Variants in PNN observed in about 807,000 individuals in gnomAD.
PNN encodes pinin.
PNN carries 38 observed loss-of-function variants against 76.6 expected under a neutral mutation model. That is an observed-to-expected ratio of 0.50 (90% confidence interval 0.38 to 0.65). The LOEUF is 0.65. PNN is among the 30% of genes least tolerant of loss of function. The pLI is 0.00. For synonymous variants in PNN, 366 were observed against 283.7 expected (o/e 1.29, Z -2.91); for missense variants, 873 against 874.1 (o/e 1.00, Z 0.02).
At chr14:39,177,961 A>C in intron 6 of PNN, 45 bp downstream of exon 6, 1 of 1,149,428 alleles carries the variant, frequency 8.7e-7, no homozygotes, top group Non-Finnish European at 1.3e-6. Context: ...TAAGTTATCA[A>C]AGTAGTAGAT....
rs1323080770 is a variant in PNN at position 39,175,338 on chromosome 14, A to G, written c.59A>G (p.Lys20Arg). ...EQLEKAKESL[K>R]NVDENIRKLT... ...CTGGAAAAGGCCAAAGAGAGTCTTAAGAACGTGGATGAGAACATTCGCAAG... is the reference window on the plus strand; with the variant it reads ...CTGGAAAAGGCCAAAGAGAGTCTTAGGAACGTGGATGAGAACATTCGCAAG... Residue 20 changes from lysine to arginine, a missense_variant, in exon 1 of 9, where the codon AAG (lysine) becomes AGG (arginine). This residue lies in a region of PNN where 156 missense variants were observed against 161.7 expected (regional missense o/e 0.96). Coordinates refer to ENST00000216832, the MANE Select transcript of PNN (RefSeq NM_002687.4). 1.2e-6 allele frequency: 2 copies of G among 1,613,098 alleles called. No homozygotes were observed. Among genetic ancestry groups the G allele is most frequent in the African/African-American group, 1.3e-5 (1 of 74,920 alleles).
chr14:39,177,471 A>G lies in PNN; in HGVS notation c.314A>G (p.Asp105Gly). The change falls in exon 4 of 9, where the codon GAT becomes GGT. Residue 105 changes from aspartate to glycine, a missense_variant. By Grantham distance (94) the Asp-to-Gly change is moderately conservative. Coordinates refer to ENST00000216832, the MANE Select transcript of PNN (RefSeq NM_002687.4). ...ESRQESDPED[D>G]DVKKPALQSS... ...CGCCAGGAAAGCGACCCGGAGGATGATGATGTTAAAAAGGTATTGAGATTG... is the reference window on the plus strand; with the variant it reads ...CGCCAGGAAAGCGACCCGGAGGATGGTGATGTTAAAAAGGTATTGAGATTG... 5.0e-6 allele frequency: 8 copies of G among 1,613,888 alleles called. No individual in the cohort carries two copies. Among genetic ancestry groups the G allele is most frequent in the Non-Finnish European group, 6.8e-6 (8 of 1,179,772 alleles).
At chr14:39,178,013 T>TAAC in intron 6 of PNN, 97 bp downstream of exon 6, 1 of 823,600 alleles carries the variant, frequency 1.2e-6, no homozygotes, top group Non-Finnish European at 2.0e-6. Context: ...TTTTAAGACC[T>TAAC]AACTGTAAAC....
chr14:39,179,272 A>G lies in PNN; in HGVS notation c.654+26A>G, dbSNP rs544078523. 1.2e-5 allele frequency: 19 copies of G among 1,609,622 alleles called. No homozygotes were observed. In the South Asian group the frequency reaches 1.9e-4, roughly 16 times the overall value. On this transcript the variant is annotated intron_variant, in intron 7 of 8. Coordinates refer to ENST00000216832, the MANE Select transcript of PNN (RefSeq NM_002687.4). ...GTGAGTGGTAATTTGGAATTCTAAG[A>G]TTGGTAATCCTTTGTGTTTACAAAA...
chr14:39,181,402 C>G lies in PNN; in HGVS notation c.1693C>G (p.Arg565Gly), dbSNP rs569202494. 5.6e-6 allele frequency: 9 copies of G among 1,614,082 alleles called. No homozygotes were observed. Among genetic ancestry groups the G allele is most frequent in the South Asian group, 1.1e-5 (1 of 91,068 alleles). The change falls in exon 9 of 9, where the codon CGA becomes GGA. Residue 565 changes from arginine (R) to glycine (G), a missense_variant. Around this residue, in one of 3 missense-constraint regions of PNN, gnomAD observed 712 missense variants for 693.1 expected, o/e 1.03. Transcript: ENST00000216832. ...KTKTRSRSRG[R>G]ARNKTSKSRS... ...CAAAACTAGGAGCAGAAGTAGAGGT[C>G]GAGCTAGAAATAAAACAAGCAAGAG...
In PNN at chr14:39,180,775, G is replaced by A; in HGVS notation, c.1066G>A (p.Glu356Lys). The part of the protein sequence containing the change: ...HSDAEKEQEE[E>K]EQKQEMEVKM... The stretch of plus-strand genomic sequence containing the variant: ...TGATGCAGAGAAAGAACAGGAGGAG[G>A]AAGAACAAAAACAGGAAATGGAGGT... The change falls in exon 9 of 9, where the codon GAA becomes AAA. Residue 356 changes from glutamate (E) to lysine (K), a missense_variant. This residue lies in a region of PNN where 712 missense variants were observed against 693.1 expected (regional missense o/e 1.03). Coordinates refer to ENST00000216832, the MANE Select transcript of PNN (RefSeq NM_002687.4). 1 of 1,607,574 alleles carries A rather than the reference G, an allele frequency of 6.2e-7. No homozygotes were observed. Among genetic ancestry groups the A allele is most frequent in the Non-Finnish European group, 8.5e-7 (1 of 1,176,388 alleles).
At position 39,176,062 on chromosome 14, in the gene PNN, T is replaced by C; in HGVS notation, c.114-16T>C. On this transcript the variant is annotated splice_polypyrimidine_tract_variant and intron_variant, in intron 1 of 8. Transcript: ENST00000216832. Reference sequence around the variant, plus strand: ...GTCTACATATGATTTTGCACTGATTTGTAAATCTTTTACAGGCCCATCCAA... The same window carrying C: ...GTCTACATATGATTTTGCACTGATTCGTAAATCTTTTACAGGCCCATCCAA... The C allele has an allele frequency of 1.3e-6, 2 of 1,524,098 alleles. No individual in the cohort carries two copies. Among genetic ancestry groups the C allele is most frequent in the Non-Finnish European group, 1.8e-6 (2 of 1,098,422 alleles). 94.4% of individuals were successfully genotyped at this position (1,524,098 alleles called of 1,614,324 possible). A position where few individuals can be genotyped will look rare whatever the true frequency, so the allele number is the denominator to read the frequency against.
In PNN at chr14:39,181,383, T is replaced by C. The variant is rs1475543285; in HGVS notation, c.1674T>C (p.Thr558=). 4 of 1,614,004 alleles carry C rather than the reference T, an allele frequency of 2.5e-6. No homozygotes were observed. The highest frequency in any genetic ancestry group is 3.3e-5 in the Admixed American group (2 of 59,998). Residue 558 remains threonine (T), a synonymous_variant, in exon 9 of 9, where the codon ACT becomes ACC. Coordinates refer to ENST00000216832, the MANE Select transcript of PNN (RefSeq NM_002687.4). ...CAGAGAGCAAGAGCAAAACCAAAAC[T>C]AGGAGCAGAAGTAGAGGTCGAGCTA... The part of the protein sequence containing the change: ...VHPESKSKTK[T]RSRSRGRARN...
chr14:39,181,979 C>A lies in PNN; in HGVS notation c.*116C>A, dbSNP rs961474186. 1 of 1,080,858 alleles carries A rather than the reference C, an allele frequency of 9.3e-7. No homozygotes were observed. Among genetic ancestry groups the A allele is most frequent in the Non-Finnish European group, 1.3e-6 (1 of 778,978 alleles). 67.0% of individuals were successfully genotyped at this position (1,080,858 alleles called of 1,614,324 possible). A position where few individuals can be genotyped will look rare whatever the true frequency, so the allele number is the denominator to read the frequency against. On this transcript the variant is annotated 3_prime_UTR_variant, in exon 9 of 9. Coordinates refer to ENST00000216832, the MANE Select transcript of PNN (RefSeq NM_002687.4). Reference sequence around the variant, plus strand: ...TTAAGAATTGCATGTTGTAAAAAATCTTTTTGGAAAATACAGACTGTTTGT... The same window carrying A: ...TTAAGAATTGCATGTTGTAAAAAATATTTTTGGAAAATACAGACTGTTTGT...
rs1194805775 is a variant in PNN, at chr14:39,181,933, C to G, written c.*70C>G. 15 of 1,445,112 alleles carry G rather than the reference C, an allele frequency of 1.0e-5. No homozygotes were observed. In the East Asian group the frequency reaches 3.2e-4, roughly 31 times the overall value. The allele number at this position is 1,445,112 out of a possible 1,614,324, so 89.5% of individuals were successfully genotyped here. ...TTCTTGATAAAAAAGGATTACCTTT[C>G]CTTGTAAAGAGGATGCTGCCTTAAG... is the stretch of plus-strand genomic sequence containing the variant. On this transcript the variant is annotated 3_prime_UTR_variant, in exon 9 of 9. Coordinates refer to ENST00000216832, the MANE Select transcript of PNN (RefSeq NM_002687.4).
chr14:39,181,764 C>G lies in PNN; in HGVS notation c.2055C>G (p.Ser685=). Residue 685 remains serine, a synonymous_variant, in exon 9 of 9, where the codon TCC becomes TCG. Transcript: ENST00000216832. ...GATCAAAGGATAAGAATTCCCGGTC[C>G]GACAGAAAGAGGTCTATATCAGAGA... ...TKGSKDKNSR[S]DRKRSISESS... is the part of the protein sequence containing the mutation. 1 of 1,613,934 alleles carries G rather than the reference C, an allele frequency of 6.2e-7. No homozygotes were observed. The highest frequency in any genetic ancestry group is 1.1e-5 in the South Asian group (1 of 91,072).
rs1014255731 is a variant in PNN, at chr14:39,176,047, G to T, written c.114-31G>T. ...GGTGCGACTGTGTGTGTCTACATATGATTTTGCACTGATTTGTAAATCTTT... is the reference window on the plus strand; with the variant it reads ...GGTGCGACTGTGTGTGTCTACATATTATTTTGCACTGATTTGTAAATCTTT... On this transcript the variant is annotated intron_variant, in intron 1 of 8. Coordinates refer to ENST00000216832, the MANE Select transcript of PNN (RefSeq NM_002687.4). The T allele has an allele frequency of 3.8e-6, 5 of 1,313,814 alleles. No individual in the cohort carries two copies. In the African/African-American group the frequency reaches 5.8e-5, roughly 15 times the overall value. 81.4% of individuals were successfully genotyped at this position (1,313,814 alleles called of 1,614,324 possible). A position where few individuals can be genotyped will look rare whatever the true frequency, so the allele number is the denominator to read the frequency against.
chr14:39,179,527 C>T (rs991286081), intron 8 of PNN, 65 bp downstream of exon 8: 18 of 1,267,138 alleles, frequency 1.4e-5, no homozygotes, highest in East Asian at 1.2e-4. Flanking sequence ...CATATGCACA[C>T]GTTTGTTTTC....
rs1316946243 is a variant in PNN at position 39,182,379 on chromosome 14, A to G, written c.*516A>G. The stretch of plus-strand genomic sequence containing the variant: ...TTCCTCGTTTTTATTTGCCTTGGAC[A>G]GTTTTTAGTTGTCAGAGTCAGAGCT... On this transcript the variant is annotated 3_prime_UTR_variant, in exon 9 of 9. Transcript: ENST00000216832. The G allele has an allele frequency of 1.3e-5, 2 of 153,024 alleles. No homozygotes were observed. Among genetic ancestry groups the G allele is most frequent in the Non-Finnish European group, 2.9e-5 (2 of 68,338 alleles). The allele number at this position is 153,024 out of a possible 1,614,324, so 9.5% of individuals were successfully genotyped here.
chr14:39,176,425 A>C, intron 2 of PNN, 102 bp from the exon 3 acceptor site: 1 of 875,496 alleles, frequency 1.1e-6, no homozygotes. Flanking sequence ...AGGCTACTTT[A>C]GTTGGAAAGA....
At position 39,180,753 on chromosome 14, in the gene PNN, T is replaced by C. The variant is rs1338299018; in HGVS notation, c.1044T>C (p.Asp348=). 6.3e-7 allele frequency: 1 copy of C among 1,599,790 alleles called. No individual in the cohort carries two copies. Among genetic ancestry groups the C allele is most frequent in the Non-Finnish European group, 8.5e-7 (1 of 1,172,446 alleles). ...EEKEIAIVHS[D]AEKEQEEEEQ... ...AGGAAATAGCGATTGTTCATAGTGA[T>C]GCAGAGAAAGAACAGGAGGAGGAAG... Residue 348 remains aspartate, a synonymous_variant, in exon 9 of 9, where the codon GAT becomes GAC. Transcript: ENST00000216832.
Position 39,180,484 on chromosome 14 carries a change from G to A in PNN, c.794-19G>A, listed in dbSNP as rs376708011. 186 of 1,525,030 alleles carry A rather than the reference G, an allele frequency of 1.2e-4. No homozygotes were observed. The highest frequency in any genetic ancestry group is 5.4e-4 in the South Asian group (41 of 76,028). The allele number at this position is 1,525,030 out of a possible 1,614,324, so 94.5% of individuals were successfully genotyped here. A position where few individuals can be genotyped will look rare whatever the true frequency, so the allele number is the denominator to read the frequency against. On this transcript the variant is annotated intron_variant, in intron 8 of 8. Transcript: ENST00000216832. ...TTCTTAATCGGTAAATTTTACACATGTAAATTTTTATTCTTTAGCTTTATT... is the reference window on the plus strand; with the variant it reads ...TTCTTAATCGGTAAATTTTACACATATAAATTTTTATTCTTTAGCTTTATT...
At chr14:39,175,685 C>A (rs2053217479) in intron 1 of PNN, 3 of 486,400 alleles carry the variant, frequency 6.2e-6, no homozygotes, top group Non-Finnish European at 7.3e-6. Flanking sequence ...CCCTGCAGGC[C>A]CGGAACTGCA....
chr14:39,178,746 A>AT lies in PNN; in HGVS notation c.499-337dup, dbSNP rs1239159052. ...AGTGAAAAAAAAAAAAAAAAAAAAA[A>AT]TTTTTTTTGAGATGGAGTTTGGCTC... On this transcript the variant is annotated intron_variant, in intron 6 of 8. Transcript: ENST00000216832. Among the ~76,000 whole-genome samples the AT allele has an allele frequency of 3.4e-3, 423 of 123,552 alleles. 4 individuals are homozygous for AT. Among genetic ancestry groups the AT allele is most frequent in the East Asian group, 4.6e-3 (20 of 4,372 alleles). The allele number at this position is 123,552 out of a possible 152,430, so 81.1% of individuals were successfully genotyped here.
Sources: gnomAD v4.1 joint callset for allele counts (sites outside exome capture counted in the v4.1 genomes callset) on GRCh38, gnomAD v4.1.1 for gene constraint, gnomAD v4.1.1 regional missense constraint, MANE v1.5 for transcripts, NCBI Gene and HGNC (gene_info 2026-07-23, HGNC 2026-07-21) for gene names.